FAM110B: variants seen among roughly 807,000 people sequenced by gnomAD.
FAM110B encodes the protein protein FAM110B.
Under a neutral mutation model 20.4 loss-of-function variants are expected in FAM110B, and 6 were observed. The ratio of observed to expected loss-of-function variants is 0.29; its 90% CI spans 0.16 to 0.58. The LOEUF is 0.58. FAM110B is among the 20% of genes least tolerant of loss of function. FAM110B has a pLI of 0.90. For missense variants in FAM110B, 434 were observed against 498.2 expected (o/e 0.87, Z 1.23); for synonymous variants, 226 against 214.1 (o/e 1.06, Z -0.49).
intron 3 of FAM110B, among the ~76,000 whole-genome samples, chr8:58,130,521 T>C (rs1803427714): frequency 6.6e-6 from 1 of 152,196 alleles, no homozygotes; most frequent in South Asian, 2.1e-4. Context: ...AGAATCCAAC[T>C]ATAAAATCTC....
At chr8:58,065,160 T>C (rs111681108) in intron 2 of FAM110B, among the ~76,000 whole-genome samples, 2 of 152,194 alleles carry the variant, frequency 1.3e-5, no homozygotes, top group African/African-American at 2.4e-5. Flanking sequence ...AGCAGCATGC[T>C]TTACCCGTGC....
At chr8:58,141,037 C>G (rs1803733843) in intron 3 of FAM110B, among the ~76,000 whole-genome samples, 1 of 152,202 alleles carries the variant, frequency 6.6e-6, no homozygotes, top group Non-Finnish European at 1.5e-5. Context: ...AAATGAATCT[C>G]TCTTCCATTT....
chr8:58,018,568 C>T (rs1400448293), intron 1 of FAM110B, among the ~76,000 whole-genome samples: 2 of 151,940 alleles, frequency 1.3e-5, no homozygotes, highest in African/African-American at 4.8e-5. Flanking sequence ...ACAAACTTTC[C>T]CTTTTAACTG....
chr8:58,028,585 C>A (rs1585823417), intron 1 of FAM110B, among the ~76,000 whole-genome samples: 1 of 152,060 alleles, frequency 6.6e-6, no homozygotes, highest in East Asian at 1.9e-4. Flanking sequence ...TGTCCTTTTT[C>A]CCCCCTTAAT....
At chr8:58,124,996 G>A (rs1206402218) in intron 3 of FAM110B, among the ~76,000 whole-genome samples, 1 of 152,146 alleles carries the variant, frequency 6.6e-6, no homozygotes, top group African/African-American at 2.4e-5. Flanking sequence ...TCAGTTTACA[G>A]TAAGAAATCA....
Position 58,054,743 on chromosome 8 carries a change from G to C in FAM110B, c.-413-20792G>C, listed in dbSNP as rs1021680852. On this transcript the variant is annotated intron_variant, in intron 2 of 3. Coordinates refer to ENST00000519262, the MANE Select transcript of FAM110B (RefSeq NM_001377989.1). ...AGAGGCTTGTAAGAGTTGATGGCGG[G>C]AGTGGGGAGAACCATGTCCCTCTAA... 6.6e-5 allele frequency among the ~76,000 whole-genome samples: 10 copies of C among 152,262 alleles called. No homozygotes were observed. The South Asian group carries it at 1.5e-3, about 22-fold the overall frequency.
chr8:58,119,727 G>A (rs1807306212), intron 3 of FAM110B, among the ~76,000 whole-genome samples: 1 of 152,120 alleles, frequency 6.6e-6, no homozygotes, highest in Non-Finnish European at 1.5e-5. Context: ...GATTCTTCAG[G>A]GTTGTACTGC....
At chr8:58,141,350 T>A (rs1224480538) in intron 3 of FAM110B, among the ~76,000 whole-genome samples, 1 of 152,236 alleles carries the variant, frequency 6.6e-6, no homozygotes, top group African/African-American at 2.4e-5. Context: ...TTTTATTTGC[T>A]CCCAAGAATG....
chr8:58,098,396 A>G (rs952682381), intron 3 of FAM110B, among the ~76,000 whole-genome samples: 1 of 152,180 alleles, frequency 6.6e-6, no homozygotes. Context: ...CCCTCTCCCA[A>G]CCAAGCTCGA....
intron 3 of FAM110B, among the ~76,000 whole-genome samples, chr8:58,091,252 T>C (rs750586185): frequency 1.4e-4 from 22 of 152,150 alleles, no homozygotes; most frequent in Admixed American, 6.5e-5. Context: ...CTTAAAGAAA[T>C]AGGCTCAGTG....
rs1803858026 is a variant in FAM110B at position 58,146,166 on chromosome 8, A to AT, written c.-63dup. The AT allele has an allele frequency of 2.0e-6, 3 of 1,525,892 alleles. No individual in the cohort carries two copies. In the Admixed American group the frequency reaches 6.1e-5, roughly 31 times the overall value. 94.5% of individuals were successfully genotyped at this position (1,525,892 alleles called of 1,614,324 possible). The stretch of plus-strand genomic sequence containing the variant: ...CTTGGCGCTTCATGTACATGTGTCT[A>AT]TTCAGGCCTTGCGGAGGCGCCCAGA... On this transcript the variant is annotated 5_prime_UTR_variant, in exon 4 of 4. Transcript: ENST00000519262.
intron 3 of FAM110B, among the ~76,000 whole-genome samples, chr8:58,084,997 C>T (rs961112563): frequency 3.3e-5 from 5 of 152,066 alleles, no homozygotes; most frequent in Non-Finnish European, 4.4e-5. Flanking sequence ...GTGGCTACAC[C>T]GAGGCACAGG....
At position 58,147,263 on chromosome 8, in the gene FAM110B, A is replaced by T; in HGVS notation, c.1033A>T (p.Ile345Phe). ...NDRVPYGISA[I>F]ERNARIIKWL... ...CCGCGTGCCGTATGGCATTTCTGCC[A>T]TCGAAAGAAATGCTAGAATCATCAA... Residue 345 changes from isoleucine to phenylalanine, a missense_variant, in exon 4 of 4, where the codon ATC (isoleucine) becomes TTC (phenylalanine). Ile to Phe is a conservative substitution (Grantham distance 21, BLOSUM62 0). Transcript: ENST00000519262. 1 of 1,614,170 alleles carries T rather than the reference A, an allele frequency of 6.2e-7. No homozygotes were observed. The highest frequency in any genetic ancestry group is 8.5e-7 in the Non-Finnish European group (1 of 1,180,030).
chr8:58,016,641 C>T (rs1322762822), intron 1 of FAM110B, among the ~76,000 whole-genome samples: 3 of 152,194 alleles, frequency 2.0e-5, no homozygotes, highest in Admixed American at 6.5e-5. Context: ...CCCAACTCCA[C>T]GTATTCATCC....
intron 1 of FAM110B, among the ~76,000 whole-genome samples, chr8:58,010,456 G>A (rs1471755034): frequency 6.6e-6 from 1 of 152,144 alleles, no homozygotes; most frequent in Non-Finnish European, 1.5e-5. Context: ...GTTTGGTCAG[G>A]TTTTTAGTGC....
rs58047108 is a variant in FAM110B at position 58,075,273 on chromosome 8, T to TGTGTGTGTGTGTGTGTGTG, written c.-413-262_-413-261insGTGTGTGTGTGTGTGTGTG. Reference sequence around the variant, plus strand: ...TGAACTAATTTTTGCTTTTTTTTTTTTTTGTGTGTGTGTGTGTGTGTGTTT... The same window carrying TGTGTGTGTGTGTGTGTGTG: ...TGAACTAATTTTTGCTTTTTTTTTTTGTGTGTGTGTGTGTGTGTGTTTGTGTGTGTGTGTGTGTGTGTTT... On this transcript the variant is annotated intron_variant, in intron 2 of 3. Coordinates refer to ENST00000519262, the MANE Select transcript of FAM110B (RefSeq NM_001377989.1). 4.3e-3 allele frequency among the ~76,000 whole-genome samples: 628 copies of TGTGTGTGTGTGTGTGTGTG among 145,038 alleles called. 8 individuals are homozygous for TGTGTGTGTGTGTGTGTGTG. Among genetic ancestry groups the TGTGTGTGTGTGTGTGTGTG allele is most frequent in the African/African-American group, 0.016 (594 of 36,208 alleles).
intron 1 of FAM110B, among the ~76,000 whole-genome samples, chr8:58,021,796 A>G (rs1053239323): frequency 8.5e-5 from 13 of 152,128 alleles, no homozygotes; most frequent in African/African-American, 3.1e-4. Context: ...TCTCAGTTTT[A>G]CTCTGGTTTA....
chr8:58,066,111 G>A (rs565734524), intron 2 of FAM110B, among the ~76,000 whole-genome samples: 3 of 151,938 alleles, frequency 2.0e-5, no homozygotes, highest in African/African-American at 4.8e-5. Flanking sequence ...GTAGTACCCC[G>A]CCCCCTTCAC....
intron 3 of FAM110B, among the ~76,000 whole-genome samples, chr8:58,131,914 G>A (rs868093021): frequency 6.6e-6 from 1 of 152,166 alleles, no homozygotes; most frequent in Non-Finnish European, 1.5e-5. Flanking sequence ...GTTGCATTGC[G>A]TGGGTCTGCA....
Sources: allele counts gnomAD v4.1 joint callset (sites outside exome capture counted in the v4.1 genomes callset), GRCh38; gene constraint gnomAD v4.1.1; transcripts MANE v1.5; gene names NCBI Gene and HGNC (gene_info 2026-07-23, HGNC 2026-07-21).